Variants in CLASP2 observed in about 807,000 individuals in gnomAD.
The protein encoded by CLASP2 is CLIP-associating protein 2.
Under a neutral mutation model 194.4 loss-of-function variants are expected in CLASP2, and 47 were observed. That is an observed-to-expected ratio of 0.24 (90% CI 0.19 to 0.31). The LOEUF is 0.31. CLASP2 is among the 10% of genes least tolerant of loss of function. The pLI, the probability that CLASP2 is intolerant of heterozygous loss-of-function variation, is 1.00. For missense variants in CLASP2, 1,445 were observed against 1,823.6 expected, an observed-to-expected ratio of 0.79 and a Z score of 3.78; for synonymous variants, 619 against 633.5, an observed-to-expected ratio of 0.98 and a Z score of 0.34.
At chr3:33,593,276 G>A (rs965363064) in intron 20 of CLASP2, among the ~76,000 whole-genome samples, 2 of 152,106 alleles carry the variant, frequency 1.3e-5, no homozygotes, top group Non-Finnish European at 2.9e-5. Flanking sequence ...AATAAGTGAG[G>A]ACAGAATATA....
At position 33,613,397 on chromosome 3, in the gene CLASP2, G is replaced by A. The variant is rs537126015; in HGVS notation, c.1318-1326C>T. Among the ~76,000 whole-genome samples, 186 of 152,224 alleles carry A rather than the reference G, an allele frequency of 1.2e-3. 1 individual carries two copies. Among genetic ancestry groups the A allele is most frequent in the African/African-American group, 4.3e-3 (177 of 41,538 alleles). On this transcript the variant is annotated intron_variant, in intron 12 of 38. Coordinates refer to ENST00000682230, the MANE Select transcript of CLASP2 (RefSeq NM_001365631.1). Reference sequence around the variant, plus strand: ...TTGGATATGGGCAATACTGGGAAGGGGCAACACCTTGGGAAAGGCAGCTCT... The same window carrying A: ...TTGGATATGGGCAATACTGGGAAGGAGCAACACCTTGGGAAAGGCAGCTCT...
chr3:33,574,588 TG>T, intron 24 of CLASP2: 1 of 684,720 alleles, frequency 1.5e-6, no homozygotes, highest in Non-Finnish European at 2.4e-6. Context: ...ACAATGCCTA[TG>T]ATCAGAAACA....
intron 23 of CLASP2, among the ~76,000 whole-genome samples, chr3:33,580,080 G>A (rs113028222): frequency 0.018 from 2,722 of 152,252 alleles, 76 homozygotes; most frequent in African/African-American, 0.062. Flanking sequence ...ATGTGGAACA[G>A]TTCTTTTTAC....
chr3:33,695,239 TTG>T (rs1157365867), intron 2 of CLASP2, among the ~76,000 whole-genome samples: 38 of 146,854 alleles, frequency 2.6e-4, no homozygotes, highest in Non-Finnish European at 7.5e-5. Flanking sequence ...TTTTTTTTTT[TTG>T]GTAGAAACAT....
intron 7 of CLASP2, among the ~76,000 whole-genome samples, chr3:33,650,121 T>C (rs912509685): frequency 2.6e-5 from 4 of 152,206 alleles, no homozygotes; most frequent in Non-Finnish European, 4.4e-5. Flanking sequence ...CTGAGCAAAC[T>C]TGACTTTGGG....
intron 34 of CLASP2, among the ~76,000 whole-genome samples, chr3:33,532,140 A>T (rs1455610137): frequency 6.6e-6 from 1 of 152,240 alleles, no homozygotes; most frequent in Non-Finnish European, 1.5e-5. Flanking sequence ...TCAGTGGATG[A>T]ATGGATAAGC....
chr3:33,636,295 T>G (rs2080123721), intron 8 of CLASP2, among the ~76,000 whole-genome samples: 1 of 152,048 alleles, frequency 6.6e-6, no homozygotes, highest in Non-Finnish European at 1.5e-5. Context: ...CCCCACGGAA[T>G]CTACTTGTTA....
chr3:33,698,675 A>G (rs1359773088), intron 1 of CLASP2, among the ~76,000 whole-genome samples: 1 of 152,236 alleles, frequency 6.6e-6, no homozygotes, highest in Non-Finnish European at 1.5e-5. Flanking sequence ...TATAGCAATC[A>G]TAACATTGAA....
intron 29 of CLASP2, among the ~76,000 whole-genome samples, chr3:33,557,933 A>G (rs2061234935): frequency 6.6e-6 from 1 of 152,258 alleles, no homozygotes; most frequent in Admixed American, 6.5e-5. Context: ...TGCAAGATAG[A>G]AGGCTACATA....
At chr3:33,607,509 C>T (rs1373855146) in intron 14 of CLASP2, 48 bp from the exon 15 acceptor site, 3 of 1,358,878 alleles carry the variant, frequency 2.2e-6, no homozygotes, top group Admixed American at 2.2e-5. Context: ...CTGTATGTTT[C>T]ACCACAAATG....
chr3:33,607,801 T>C (rs34175375), intron 14 of CLASP2, among the ~76,000 whole-genome samples: 19,516 of 152,188 alleles, frequency 0.13, 1,533 homozygotes, highest in East Asian at 0.23. Flanking sequence ...TCCTCACTAA[T>C]CCACCACTGT....
intron 6 of CLASP2, among the ~76,000 whole-genome samples, chr3:33,684,005 A>T (rs2090245668): frequency 6.6e-6 from 1 of 150,474 alleles, no homozygotes; most frequent in African/African-American, 2.4e-5. Flanking sequence ...GCACTTGGGG[A>T]GGCTGAGGTG....
At position 33,576,155 on chromosome 3, in the gene CLASP2, A is replaced by G; in HGVS notation, c.2454+14T>C. On this transcript the variant is annotated intron_variant, in intron 24 of 38. Coordinates refer to ENST00000682230, the MANE Select transcript of CLASP2 (RefSeq NM_001365631.1). ...TTGGAACATTTATAATGATAAGAAAATGGAGAAGAGTACCAAGGCATCTGC... is the reference window on the plus strand; with the variant it reads ...TTGGAACATTTATAATGATAAGAAAGTGGAGAAGAGTACCAAGGCATCTGC... 6.3e-7 allele frequency: 1 copy of G among 1,596,368 alleles called. No individual in the cohort carries two copies. Among genetic ancestry groups the G allele is most frequent in the Non-Finnish European group, 8.6e-7 (1 of 1,164,144 alleles).
At chr3:33,583,783 T>A (rs907788799) in intron 22 of CLASP2, among the ~76,000 whole-genome samples, 1 of 151,764 alleles carries the variant, frequency 6.6e-6, no homozygotes, top group Non-Finnish European at 1.5e-5. Context: ...CTTAAAACAA[T>A]AAAAAAAATT....
At chr3:33,566,667 A>C in intron 27 of CLASP2, 65 bp downstream of exon 27, 1 of 421,918 alleles carries the variant, frequency 2.4e-6, no homozygotes, top group South Asian at 1.8e-5. Context: ...GAAAATAGAG[A>C]AAAAGGGTTA....
At chr3:33,620,385 A>G (rs2076915792) in intron 11 of CLASP2, among the ~76,000 whole-genome samples, 1 of 152,172 alleles carries the variant, frequency 6.6e-6, no homozygotes. Flanking sequence ...TTAAACTAGG[A>G]GGGATATTGT....
At chr3:33,715,847 TAAAAAAAAAAAA>T (rs59528446) in intron 1 of CLASP2, among the ~76,000 whole-genome samples, 1 of 62,170 alleles carries the variant, frequency 1.6e-5, no homozygotes, top group African/African-American at 6.5e-5. Flanking sequence ...GTATCTTAAG[TAAAAAAAAAAAA>T]AAAAAAAAAA....
chr3:33,647,625 A>C (rs758148244), intron 7 of CLASP2, among the ~76,000 whole-genome samples: 5 of 152,256 alleles, frequency 3.3e-5, no homozygotes, highest in Admixed American at 2.0e-4. Context: ...CACAATATGT[A>C]AACAAACGAG....
chr3:33,533,290 C>G (rs994972054), intron 34 of CLASP2, among the ~76,000 whole-genome samples: 6 of 152,138 alleles, frequency 3.9e-5, no homozygotes, highest in Non-Finnish European at 7.3e-5. Context: ...CAGATTAAAA[C>G]ACATCAAAGT....
Sources: gnomAD v4.1 joint callset for allele counts (sites outside exome capture counted in the v4.1 genomes callset) on GRCh38, gnomAD v4.1.1 for gene constraint, MANE v1.5 for transcripts, NCBI Gene and HGNC (gene_info 2026-07-23, HGNC 2026-07-21) for gene names.